Variants in SEC61A1 observed in about 807,000 individuals in gnomAD.
The protein encoded by SEC61A1 is protein transport protein Sec61 subunit alpha isoform 1.
Under a neutral mutation model 55.2 loss-of-function variants are expected in SEC61A1, and 15 were observed. The ratio of observed to expected loss-of-function variants is 0.27; its 90% confidence interval spans 0.18 to 0.42. The LOEUF is 0.42. Ranked by LOEUF, SEC61A1 falls within the 10% of genes least tolerant of loss-of-function variation. The pLI is 1.00. For synonymous variants in SEC61A1, 247 were observed against 234.0 expected (o/e 1.06, Z -0.51); for missense variants, 284 against 602.6 (o/e 0.47, Z 5.53).
rs1422617098 is a variant in SEC61A1, at chr3:128,052,505, G to T, written c.-48G>T. 6.3e-7 allele frequency: 1 copy of T among 1,583,812 alleles called. No homozygotes were observed. On this transcript the variant is annotated 5_prime_UTR_variant, in exon 1 of 12. Coordinates refer to ENST00000243253, the MANE Select transcript of SEC61A1 (RefSeq NM_013336.4). ...GCCGCGGGCAGCGTCGCCTCACGCG[G>T]AGCAGAGCTGAGCTGAAGCGGGACC...
chr3:128,055,844 A>G, intron 4 of SEC61A1, 93 bp downstream of exon 4: 1 of 1,008,194 alleles, frequency 9.9e-7, no homozygotes, highest in Non-Finnish European at 1.5e-6. Context: ...TATGGAACTT[A>G]GAGAGTGACT....
At chr3:128,055,614 G>A (rs758319144) in intron 3 of SEC61A1, 33 bp downstream of exon 3, 3 of 1,609,074 alleles carry the variant, frequency 1.9e-6, no homozygotes, top group South Asian at 1.1e-5. Flanking sequence ...TATTGGGGAG[G>A]GGGATAAGAG....
Position 128,069,714 on chromosome 3 carries a change from G to T in SEC61A1, c.*52G>T. The T allele has an allele frequency of 6.5e-7, 1 of 1,533,564 alleles. No homozygotes were observed. The highest frequency in any genetic ancestry group is 9.0e-7 in the Non-Finnish European group (1 of 1,112,006). 95.0% of individuals were successfully genotyped at this position (1,533,564 alleles called of 1,614,324 possible). On this transcript the variant is annotated 3_prime_UTR_variant, in exon 12 of 12. Coordinates refer to ENST00000243253, the MANE Select transcript of SEC61A1 (RefSeq NM_013336.4). ...GCTGCTCCAGAAGCGCCTCGGAAGG[G>T]GAGCTCTCATCATGGCGCGTGCTGC...
At chr3:128,062,139 G>C (rs1576421571) in intron 7 of SEC61A1, among the ~76,000 whole-genome samples, 1 of 152,228 alleles carries the variant, frequency 6.6e-6, no homozygotes, top group African/African-American at 2.4e-5. Context: ...AGCAAAGGTG[G>C]ATTTGTCTGG....
chr3:128,061,121 A>G (rs900874020), intron 7 of SEC61A1, among the ~76,000 whole-genome samples: 12 of 152,248 alleles, frequency 7.9e-5, no homozygotes, highest in South Asian at 4.1e-4. Flanking sequence ...CAGCTTTCTG[A>G]AAAAGGCCTG....
intron 5 of SEC61A1, 72 bp downstream of exon 5, chr3:128,056,912 G>T: frequency 1.5e-5 from 18 of 1,190,436 alleles, no homozygotes; most frequent in Non-Finnish European, 1.7e-5. Flanking sequence ...TTTGGTATCA[G>T]TTTTTCTTTT....
chr3:128,066,378 G>GA (rs548928035), intron 8 of SEC61A1, among the ~76,000 whole-genome samples: 114 of 145,024 alleles, frequency 7.9e-4, no homozygotes, highest in South Asian at 8.7e-4. Context: ...CTGTCTTTTG[G>GA]AAAAAAAAAA....
Position 128,052,568 on chromosome 3 carries a change from T to TG in SEC61A1, c.7+10dup. The TG allele has an allele frequency of 6.3e-7, 1 of 1,599,354 alleles. No homozygotes were observed. The highest frequency in any genetic ancestry group is 1.1e-5 in the South Asian group (1 of 89,052). ...AGCCGCCGCCATGGCAAGTGAGTCC[T>TG]GTAGGGAAGCCCTATTGAGGCCGGG... On this transcript the variant is annotated intron_variant, in intron 1 of 11. Coordinates refer to ENST00000243253, the MANE Select transcript of SEC61A1 (RefSeq NM_013336.4).
intron 5 of SEC61A1, among the ~76,000 whole-genome samples, chr3:128,057,138 A>C: frequency 6.6e-6 from 1 of 152,254 alleles, no homozygotes; most frequent in African/African-American, 2.4e-5. Flanking sequence ...TTCACTACAT[A>C]GGCCATGCTG....
chr3:128,064,531 G>C (rs1330733799), intron 7 of SEC61A1, among the ~76,000 whole-genome samples: 3 of 152,076 alleles, frequency 2.0e-5, no homozygotes, highest in African/African-American at 7.2e-5. Context: ...TATAGTCCCA[G>C]CTATTCGGAA....
At chr3:128,051,832 T>C, upstream of SEC61A1, 2 of 1,535,540 alleles carry the variant, frequency 1.3e-6, no homozygotes, top group Non-Finnish European at 1.7e-6. Context: ...CTCATCCCAT[T>C]CGTTCTCAGA....
In SEC61A1 at chr3:128,069,624, C is replaced by T; in HGVS notation, c.1393C>T (p.Gln465Ter). The change falls in exon 12 of 12, where the codon CAA becomes TAA. Residue 465 changes from glutamine to a stop codon, truncating the protein, a stop_gained. Transcript: ENST00000243253. LOFTEE classifies it high-confidence loss of function. ...GTACTTTGAGATCTTCGTTAAGGAG[C>T]AAAGCGAGGTTGGCAGCATGGGGGC... ...YQYFEIFVKE[Q>*]SEVGSMGALL... 4 of 1,614,158 alleles carry T rather than the reference C, an allele frequency of 2.5e-6. No homozygotes were observed. Among genetic ancestry groups the T allele is most frequent in the Non-Finnish European group, 3.4e-6 (4 of 1,180,024 alleles).
intron 5 of SEC61A1, among the ~76,000 whole-genome samples, chr3:128,058,764 G>T (rs558941536): frequency 6.6e-6 from 1 of 152,270 alleles, no homozygotes; most frequent in East Asian, 1.9e-4. Flanking sequence ...TACTAGGGAG[G>T]CTGAGGTGGG....
chr3:128,060,010 C>T, intron 5 of SEC61A1, 92 bp from the exon 6 acceptor site: 1 of 899,352 alleles, frequency 1.1e-6, no homozygotes. Flanking sequence ...TTTGTTCTCC[C>T]CCGTGCCTGG....
At position 128,069,728 on chromosome 3, in the gene SEC61A1, G is replaced by A. The variant is rs762338678; in HGVS notation, c.*66G>A. 447 of 1,373,686 alleles carry A rather than the reference G, an allele frequency of 3.3e-4. No individual in the cohort carries two copies. Among genetic ancestry groups the A allele is most frequent in the Non-Finnish European group, 4.4e-4 (426 of 975,284 alleles). The allele number at this position is 1,373,686 out of a possible 1,614,324, so 85.1% of individuals were successfully genotyped here. On this transcript the variant is annotated 3_prime_UTR_variant, in exon 12 of 12. Transcript: ENST00000243253. Reference sequence around the variant, plus strand: ...GCCTCGGAAGGGGAGCTCTCATCATGGCGCGTGCTGCTGCGGCATATGGAC... The same window carrying A: ...GCCTCGGAAGGGGAGCTCTCATCATAGCGCGTGCTGCTGCGGCATATGGAC...
chr3:128,051,974 G>A (rs1941679945), upstream of SEC61A1: 18 of 1,266,014 alleles, frequency 1.4e-5, no homozygotes, highest in Non-Finnish European at 2.0e-5. Flanking sequence ...GGTGACGGGC[G>A]CCGCGGTAGA....
chr3:128,060,712 G>A, intron 7 of SEC61A1, 51 bp downstream of exon 7: 1 of 1,569,068 alleles, frequency 6.4e-7, no homozygotes, highest in Non-Finnish European at 8.7e-7. Context: ...AAAAACAATT[G>A]AGCAATGCAA....
At chr3:128,058,659 G>A (rs1049081328) in intron 5 of SEC61A1, among the ~76,000 whole-genome samples, 9 of 152,156 alleles carry the variant, frequency 5.9e-5, no homozygotes, top group Admixed American at 3.9e-4. Flanking sequence ...CCAGGAGTTC[G>A]TGACTAGCCT....
At chr3:128,059,224 C>T (rs9842795) in intron 5 of SEC61A1, among the ~76,000 whole-genome samples, 8 of 151,388 alleles carry the variant, frequency 5.3e-5, no homozygotes, top group Non-Finnish European at 1.0e-4. Context: ...CTGTAATCCC[C>T]GCACTTTGGG....
Sources: gnomAD v4.1 joint callset for allele counts (sites outside exome capture counted in the v4.1 genomes callset) on GRCh38, gnomAD v4.1.1 for gene constraint, MANE v1.5 for transcripts, NCBI Gene and HGNC (gene_info 2026-07-23, HGNC 2026-07-21) for gene names.